TEP1: variants seen among roughly 807,000 people sequenced by gnomAD.
The protein encoded by TEP1 is telomerase protein component 1.
In TEP1, 241 loss-of-function variants were observed where a neutral mutation model predicts 306.3. That is an observed-to-expected ratio of 0.79 (90% CI 0.71 to 0.88). The LOEUF is 0.88. TEP1 is among the 40% of genes least tolerant of loss of function. The pLI is 0.00. For synonymous variants in TEP1, 1,289 were observed against 1,305.5 expected, an observed-to-expected ratio of 0.99 and a Z score of 0.27; for missense variants, 3,051 against 3,276.1, an observed-to-expected ratio of 0.93 and a Z score of 1.68.
rs535033370 is a variant in TEP1, at chr14:20,367,981, T to A, written c.*456A>T. On this transcript the variant is annotated 3_prime_UTR_variant, in exon 55 of 55. Transcript: ENST00000262715. The stretch of plus-strand genomic sequence containing the variant: ...AGCTCTTTCTAAATGCCCTGATGCA[T>A]GACTGACTTATTCTCCCTCCCTCAT... 1 of 156,448 alleles carries A rather than the reference T, an allele frequency of 6.4e-6. No homozygotes were observed. The highest frequency in any genetic ancestry group is 1.9e-4 in the South Asian group (1 of 5,276). The allele number at this position is 156,448 out of a possible 1,614,324, so 9.7% of individuals were successfully genotyped here.
rs1162681501 is a variant in TEP1 at position 20,373,358 on chromosome 14, A to G, written c.6726T>C (p.Arg2242=). The G allele has an allele frequency of 6.2e-7, 1 of 1,614,210 alleles. No individual in the cohort carries two copies. Among genetic ancestry groups the G allele is most frequent in the Non-Finnish European group, 8.5e-7 (1 of 1,180,040 alleles). ...CTGAGGTTTCTGAAACAGCAGCAGC[A>G]CGGACTGGGCCGCTGTGTCCCAGGA... ...HTLLGHSGPV[R]AAAVSETSGL... Residue 2242 remains arginine (R), a synonymous_variant, in exon 47 of 55, where the codon CGT becomes CGC. Coordinates refer to ENST00000262715, the MANE Select transcript of TEP1 (RefSeq NM_007110.5).
intron 48 of TEP1, 51 bp downstream of exon 48, chr14:20,372,960 C>T (rs537369164): frequency 1.2e-6 from 2 of 1,613,690 alleles, no homozygotes; most frequent in African/African-American, 1.3e-5. Context: ...AGTAAATACA[C>T]AGCCAGGGTA....
At chr14:20,378,580 T>G in intron 37 of TEP1, 45 bp from the exon 38 acceptor site, 3 of 1,612,502 alleles carry the variant, frequency 1.9e-6, no homozygotes, top group Non-Finnish European at 2.5e-6. Flanking sequence ...GAGAGATGCC[T>G]GAACTTCTCA....
In TEP1 at chr14:20,380,368, G is replaced by A; in HGVS notation, c.4870C>T (p.Leu1624=). The change falls in exon 34 of 55, where the codon CTG becomes TTG. Residue 1624 remains leucine, a synonymous_variant. Coordinates refer to ENST00000262715, the MANE Select transcript of TEP1 (RefSeq NM_007110.5). ...ASILSQYPRL[L]PQQAANQPLD... is the part of the protein sequence containing the mutation. ...GGCTGGTTGGCTGCCTGCTGGGGCA[G>A]GAGCCGGGGGTACTGGCTGAGGATT... The A allele has an allele frequency of 6.2e-7, 1 of 1,614,224 alleles. No homozygotes were observed. The highest frequency in any genetic ancestry group is 8.5e-7 in the Non-Finnish European group (1 of 1,180,044).
intron 34 of TEP1, 73 bp from the exon 35 acceptor site, chr14:20,380,126 G>A (rs1885441653): frequency 2.5e-6 from 4 of 1,584,580 alleles, no homozygotes; most frequent in Non-Finnish European, 3.4e-6. Context: ...ATGTGCTTCT[G>A]TGCCTGGATC....
At chr14:20,395,101 CAT>C (rs1878082616) in intron 12 of TEP1, among the ~76,000 whole-genome samples, 1 of 152,038 alleles carries the variant, frequency 6.6e-6, no homozygotes, top group South Asian at 2.1e-4. Flanking sequence ...GAAAAACAAA[CAT>C]GTCACAGAAA....
At position 20,382,300 on chromosome 14, in the gene TEP1, G is replaced by C; in HGVS notation, c.4197C>G (p.Ile1399Met). The change falls in exon 29 of 55, where the codon ATC (isoleucine) becomes ATG (methionine). Residue 1399 changes from isoleucine to methionine, a missense_variant. Ile to Met is a conservative substitution (Grantham distance 10, BLOSUM62 1). Transcript: ENST00000262715. ...PATVPLLLQH[I>M]LSTLEKEHGP... The stretch of plus-strand genomic sequence containing the variant: ...CGTGCTCCTTCTCCAGTGTGCTCAG[G>C]ATGTGCTGCAGCAGCAGGGGGACAG... 6.2e-7 allele frequency: 1 copy of C among 1,614,064 alleles called. No individual in the cohort carries two copies. The highest frequency in any genetic ancestry group is 1.3e-5 in the African/African-American group (1 of 75,044).
At position 20,383,483 on chromosome 14, in the gene TEP1, C is replaced by CCT. The variant is rs1433561945; in HGVS notation, c.3867+4_3867+5insAG. ...TCCCGACACCCACCTCCTTCTCACA[C>CCT]TCACCCGGGGAAGCTTCTTTGGGAT... is the stretch of plus-strand genomic sequence containing the variant. On this transcript the variant is annotated splice_donor_region_variant and intron_variant, in intron 26 of 54. Coordinates refer to ENST00000262715, the MANE Select transcript of TEP1 (RefSeq NM_007110.5). 1.9e-6 allele frequency: 3 copies of CCT among 1,614,164 alleles called. No homozygotes were observed. The African/African-American group carries it at 4.0e-5, about 22-fold the overall frequency.
intron 44 of TEP1, 25 bp from the exon 45 acceptor site, chr14:20,373,835 G>A (rs779642976): frequency 6.2e-7 from 1 of 1,608,996 alleles, no homozygotes; most frequent in Middle Eastern, 2.1e-4. Flanking sequence ...CAAGATCAGA[G>A]CAGAGTCATA....
In TEP1 at chr14:20,395,512, T is replaced by G; in HGVS notation, c.1866A>C (p.Ala622=). The change falls in exon 12 of 55, where the codon GCA becomes GCC. Residue 622 remains alanine, a synonymous_variant. Coordinates refer to ENST00000262715, the MANE Select transcript of TEP1 (RefSeq NM_007110.5). ...GCTCATACAACACAGGTATCCTCATTGCCATCCGAAGCTGCTGACGGCTTA... is the reference window on the plus strand; with the variant it reads ...GCTCATACAACACAGGTATCCTCATGGCCATCCGAAGCTGCTGACGGCTTA... ...CHLSRQQLRM[A]MRIPVLYEQL... 6.2e-7 allele frequency: 1 copy of G among 1,613,804 alleles called. No individual in the cohort carries two copies. The highest frequency in any genetic ancestry group is 8.5e-7 in the Non-Finnish European group (1 of 1,179,828).
chr14:20,410,604 T>G (rs556565199), intron 1 of TEP1, among the ~76,000 whole-genome samples: 78 of 150,874 alleles, frequency 5.2e-4, no homozygotes, highest in African/African-American at 1.8e-3. Flanking sequence ...TTTTTCTTTT[T>G]TTTTTTTTGT....
At chr14:20,386,645 G>A (rs149401651) in intron 18 of TEP1, 22 bp from the exon 19 acceptor site, 1 of 1,570,898 alleles carries the variant, frequency 6.4e-7, no homozygotes, top group East Asian at 2.3e-5. Context: ...CAGAGAGCTG[G>A]GCTCAGTCTA....
chr14:20,391,229 G>A (rs1594354442), intron 13 of TEP1, 133 bp from the exon 14 acceptor site: 2 of 959,776 alleles, frequency 2.1e-6, no homozygotes, highest in South Asian at 3.4e-5. Flanking sequence ...AAGTTAGGAG[G>A]GGTCAGCTTC....
Position 20,366,489 on chromosome 14 carries a change from G to A in TEP1, c.*1948C>T, listed in dbSNP as rs558171708. On this transcript the variant is annotated 3_prime_UTR_variant, in exon 55 of 55. Coordinates refer to ENST00000262715, the MANE Select transcript of TEP1 (RefSeq NM_007110.5). ...AGGTAGATGTGGAAATGATGGTCCA[G>A]AAGGTATATTTCGAGGCTTGGCATG... is the stretch of plus-strand genomic sequence containing the variant. 1 of 152,334 alleles carries A rather than the reference G, an allele frequency of 6.6e-6. No individual in the cohort carries two copies. The highest frequency in any genetic ancestry group is 2.1e-4 in the South Asian group (1 of 4,830). 9.4% of individuals were successfully genotyped at this position (152,334 alleles called of 1,614,324 possible).
chr14:20,403,749 G>A lies in TEP1; in HGVS notation c.1168C>T (p.His390Tyr), dbSNP rs1432583174. 8 of 1,613,916 alleles carry A rather than the reference G, an allele frequency of 5.0e-6. No homozygotes were observed. In the African/African-American group the frequency reaches 9.3e-5, roughly 19 times the overall value. Residue 390 changes from histidine (H) to tyrosine (Y), a missense_variant, in exon 6 of 55, where the codon CAC becomes TAC. Coordinates refer to ENST00000262715, the MANE Select transcript of TEP1 (RefSeq NM_007110.5). Reference protein sequence around the residue: ...YNPRKHRAKRHPRRPPRSPGM... With the variant: ...YNPRKHRAKRYPRRPPRSPGM... ...GGAGAGCGGGGTGGCCGGCGGGGGTGTCTCTTGGCCCGGTGCTTCCGAGGG... is the reference window on the plus strand; with the variant it reads ...GGAGAGCGGGGTGGCCGGCGGGGGTATCTCTTGGCCCGGTGCTTCCGAGGG...
At chr14:20,397,361 T>G (rs1402059338) in intron 9 of TEP1, among the ~76,000 whole-genome samples, 3 of 152,092 alleles carry the variant, frequency 2.0e-5, no homozygotes, top group African/African-American at 7.2e-5. Flanking sequence ...ATACAAAAAT[T>G]AGCCAGGCGT....
At position 20,368,783 on chromosome 14, in the gene TEP1, CA is replaced by C. The variant is rs1594314528; in HGVS notation, c.7761+14del. ...GCGCACGCACACACACACACACACA[CA>C]CACACACACTTACCAGCTGCATACT... On this transcript the variant is annotated intron_variant, in intron 54 of 54. Coordinates refer to ENST00000262715, the MANE Select transcript of TEP1 (RefSeq NM_007110.5). 16 of 1,606,148 alleles carry C rather than the reference CA, an allele frequency of 1.0e-5. No individual in the cohort carries two copies. Among genetic ancestry groups the C allele is most frequent in the Non-Finnish European group, 1.3e-5 (15 of 1,173,322 alleles).
chr14:20,393,661 A>G (rs1877929587), intron 12 of TEP1, among the ~76,000 whole-genome samples: 1 of 151,960 alleles, frequency 6.6e-6, no homozygotes, highest in Non-Finnish European at 1.5e-5. Context: ...GTGTGGTGGT[A>G]TGCACCTGTA....
rs1325765133 is a variant in TEP1 at position 20,382,714 on chromosome 14, ATCTGGCAAGAC to A, written c.4048-10_4048del. On this transcript the variant is annotated splice_acceptor_variant and splice_polypyrimidine_tract_variant and coding_sequence_variant and intron_variant, in exon 28 of 55. Coordinates refer to ENST00000262715, the MANE Select transcript of TEP1 (RefSeq NM_007110.5). LOFTEE classifies it high-confidence loss of function. ...TTCCCGCTTCACCAGCAGCAGTCGC[ATCTGGCAAGAC>A]TCAGGACTCAGGGTGGGGTCCAGGA... The A allele has an allele frequency of 1.2e-6, 2 of 1,613,866 alleles. No individual in the cohort carries two copies. The highest frequency in any genetic ancestry group is 1.7e-6 in the Non-Finnish European group (2 of 1,179,982).
Sources: gnomAD v4.1 joint callset for allele counts (sites outside exome capture counted in the v4.1 genomes callset) on GRCh38, gnomAD v4.1.1 for gene constraint, MANE v1.5 for transcripts, NCBI Gene and HGNC (gene_info 2026-07-23, HGNC 2026-07-21) for gene names.